IPO9: variants seen among roughly 807,000 people sequenced by gnomAD.
IPO9 encodes importin-9.
A neutral mutation model predicts 128.6 loss-of-function variants in IPO9; 28 were observed. That is an observed-to-expected ratio of 0.22 (90% confidence interval 0.16 to 0.30). The LOEUF is 0.30. Among genes scored for constraint, IPO9 ranks in the 10% least tolerant of loss-of-function variants. The pLI is 1.00. For missense variants in IPO9, 935 were observed against 1,293.9 expected (o/e 0.72, Z 4.26); for synonymous variants, 455 against 475.8 (o/e 0.96, Z 0.57).
intron 16 of IPO9, 101 bp from the exon 17 acceptor site, chr1:201,869,489 C>T: frequency 7.2e-7 from 1 of 1,386,230 alleles, no homozygotes; most frequent in Middle Eastern, 1.9e-4. Context: ...AATAAGCTTT[C>T]TCTGGGTTGC....
At chr1:201,833,006 AT>A (rs1269955950) in intron 1 of IPO9, among the ~76,000 whole-genome samples, 1 of 152,194 alleles carries the variant, frequency 6.6e-6, no homozygotes, top group Non-Finnish European at 1.5e-5. Flanking sequence ...GAAAATAAAG[AT>A]TGCTGGAGCC....
Position 201,843,705 on chromosome 1 carries a change from G to A in IPO9, c.164-3574G>A, listed in dbSNP as rs538118815. Among the ~76,000 whole-genome samples, 7 of 151,982 alleles carry A rather than the reference G, an allele frequency of 4.6e-5. No individual in the cohort carries two copies. The South Asian group carries it at 1.5e-3, about 32-fold the overall frequency. ...TAGCTGGGCGTGGTGGTACACTCCTGCAATTCCAGCTATTCCAGAGGCTGA... is the reference window on the plus strand; with the variant it reads ...TAGCTGGGCGTGGTGGTACACTCCTACAATTCCAGCTATTCCAGAGGCTGA... On this transcript the variant is annotated intron_variant, in intron 1 of 23. Coordinates refer to ENST00000361565, the MANE Select transcript of IPO9 (RefSeq NM_018085.5).
intron 1 of IPO9, among the ~76,000 whole-genome samples, chr1:201,843,029 C>A (rs1680063785): frequency 6.6e-6 from 1 of 152,072 alleles, no homozygotes; most frequent in African/African-American, 2.4e-5. Flanking sequence ...TAATAAGTAC[C>A]CAAACTTTTC....
intron 3 of IPO9, among the ~76,000 whole-genome samples, 186 bp downstream of exon 3, chr1:201,847,824 A>T (rs1364766794): frequency 1.3e-5 from 2 of 152,168 alleles, no homozygotes; most frequent in Non-Finnish European, 2.9e-5. Flanking sequence ...TCTGTGTTCA[A>T]ATTCCAGTTT....
At position 201,880,478 on chromosome 1, in the gene IPO9, CAA is replaced by C. The variant is rs1185873283; in HGVS notation, c.*4425_*4426del. 5 of 152,180 alleles carry C rather than the reference CAA, an allele frequency of 3.3e-5. No homozygotes were observed. The highest frequency in any genetic ancestry group is 5.9e-5 in the Non-Finnish European group (4 of 68,040). The allele number at this position is 152,180 out of a possible 1,614,324, so 9.4% of individuals were successfully genotyped here. On this transcript the variant is annotated 3_prime_UTR_variant, in exon 24 of 24. Coordinates refer to ENST00000361565, the MANE Select transcript of IPO9 (RefSeq NM_018085.5). ...CTAAGAATGCTTAGCTTAGAGAAGA[CAA>C]GAGGAAACAGGACATGGCTTTGGGA... is the stretch of plus-strand genomic sequence containing the variant.
chr1:201,868,203 A>G (rs576322225), intron 15 of IPO9, among the ~76,000 whole-genome samples: 2 of 151,954 alleles, frequency 1.3e-5, no homozygotes, highest in Non-Finnish European at 1.5e-5. Context: ...CTTCATGTCT[A>G]CCGTGGCTAC....
intron 1 of IPO9, among the ~76,000 whole-genome samples, chr1:201,838,718 T>C (rs1251864319): frequency 6.6e-6 from 1 of 151,508 alleles, no homozygotes; most frequent in East Asian, 1.9e-4. Flanking sequence ...GATCAAAAAC[T>C]GCAGCTTAAA....
At chr1:201,829,796 G>C (rs1428479282) in intron 1 of IPO9, among the ~76,000 whole-genome samples, 2 of 152,170 alleles carry the variant, frequency 1.3e-5, no homozygotes, top group African/African-American at 4.8e-5. Flanking sequence ...TAGGAGTGGT[G>C]AAGGGTAGGG....
chr1:201,867,880 G>A (rs1246204969), intron 15 of IPO9, among the ~76,000 whole-genome samples: 1 of 152,066 alleles, frequency 6.6e-6, no homozygotes, highest in Non-Finnish European at 1.5e-5. Context: ...GTACTGAGGA[G>A]CTTTCCACAT....
At chr1:201,841,196 T>C (rs531023733) in intron 1 of IPO9, among the ~76,000 whole-genome samples, 3 of 152,290 alleles carry the variant, frequency 2.0e-5, no homozygotes, top group East Asian at 3.9e-4. Flanking sequence ...CTTTGTAAAA[T>C]AGTATTTACA....
chr1:201,861,534 G>A (rs1680448213), intron 13 of IPO9, among the ~76,000 whole-genome samples: 1 of 152,166 alleles, frequency 6.6e-6, no homozygotes, highest in Non-Finnish European at 1.5e-5. Flanking sequence ...GCTAAGCTGT[G>A]ATGTTCAGTA....
rs767666367 is a variant in IPO9 at position 201,829,236 on chromosome 1, G to A, written c.27G>A (p.Ala9=). 1 of 1,569,912 alleles carries A rather than the reference G, an allele frequency of 6.4e-7. No homozygotes were observed. The highest frequency in any genetic ancestry group is 8.6e-7 in the Non-Finnish European group (1 of 1,162,400). Residue 9 remains alanine (A), a synonymous_variant, in exon 1 of 24, where the codon GCG becomes GCA. Coordinates refer to ENST00000361565, the MANE Select transcript of IPO9 (RefSeq NM_018085.5). MAAAAAAG[A]ASGLPGPVAQ... is the part of the protein sequence containing the mutation. ...TGGCGGCGGCGGCGGCAGCTGGTGC[G>A]GCCTCCGGGCTGCCGGGTCCAGTGG... is the stretch of plus-strand genomic sequence containing the variant.
intron 1 of IPO9, among the ~76,000 whole-genome samples, chr1:201,840,103 C>T (rs532267579): frequency 2.6e-4 from 39 of 152,274 alleles, no homozygotes; most frequent in African/African-American, 9.1e-4. Flanking sequence ...ATTTTATTTA[C>T]TTTTGAGACA....
At chr1:201,868,842 A>G in intron 16 of IPO9, 46 bp downstream of exon 16, 4 of 1,537,486 alleles carry the variant, frequency 2.6e-6, no homozygotes, top group Non-Finnish European at 3.5e-6. Flanking sequence ...AGAGATCTAC[A>G]AGTGCCACCC....
In IPO9 at chr1:201,866,935, G is replaced by A. The variant is rs941422025; in HGVS notation, c.1831G>A (p.Ala611Thr). 5 of 1,613,828 alleles carry A rather than the reference G, an allele frequency of 3.1e-6. No homozygotes were observed. The highest frequency in any genetic ancestry group is 1.3e-5 in the African/African-American group (1 of 74,864). The change falls in exon 15 of 24, where the codon GCC (alanine) becomes ACC (threonine). Residue 611 changes from alanine to threonine, a missense_variant. This residue lies in a region of IPO9 where 741 missense variants were observed against 1,019.1 expected (regional missense o/e 0.73). Transcript: ENST00000361565. ...MESKICPFTI[A>T]IFLKYSNDPV... is the part of the protein sequence containing the mutation. ...AAGCAAAATCTGCCCCTTCACCATC[G>A]CCATTTTCCTAAAGTACAGTAATGG...
intron 14 of IPO9, among the ~76,000 whole-genome samples, chr1:201,865,040 T>TATC (rs1680523427): frequency 6.6e-6 from 1 of 152,158 alleles, no homozygotes; most frequent in African/African-American, 2.4e-5. Context: ...ACTGGATTCC[T>TATC]TGAAGCCTAT....
intron 5 of IPO9, among the ~76,000 whole-genome samples, chr1:201,852,583 A>G (rs76585425): frequency 0.01 from 1,565 of 152,270 alleles, 32 homozygotes; most frequent in African/African-American, 0.036. Flanking sequence ...TTGCATATAT[A>G]TTTGATTAGT....
At chr1:201,837,006 T>G (rs900832902) in intron 1 of IPO9, among the ~76,000 whole-genome samples, 2 of 152,268 alleles carry the variant, frequency 1.3e-5, no homozygotes, top group African/African-American at 4.8e-5. Context: ...ATGCTGCTTC[T>G]TTCATGCGTG....
intron 23 of IPO9, among the ~76,000 whole-genome samples, chr1:201,875,564 TG>T (rs1274364119): frequency 6.7e-6 from 1 of 150,050 alleles, no homozygotes; most frequent in Non-Finnish European, 1.5e-5. Flanking sequence ...CACTCGAGCC[TG>T]GGCGACAAAG....
Sources: allele counts gnomAD v4.1 joint callset (sites outside exome capture counted in the v4.1 genomes callset), GRCh38; gene constraint gnomAD v4.1.1; regional missense constraint gnomAD v4.1.1; transcripts MANE v1.5; gene names NCBI Gene and HGNC (gene_info 2026-07-23, HGNC 2026-07-21).